Variants in DMRT1 observed in about 807,000 individuals in gnomAD.
The protein encoded by DMRT1 is doublesex- and mab-3-related transcription factor 1.
DMRT1 carries 7 observed loss-of-function variants against 32.3 expected under a neutral mutation model. The observed-to-expected ratio is 0.22, with a 90% CI of 0.12 to 0.41. The LOEUF (loss-of-function observed/expected upper bound fraction) is 0.41, where lower values mean the gene tolerates loss of function less well. DMRT1 is among the 10% of genes least tolerant of loss of function. The pLI, the probability that DMRT1 is intolerant of heterozygous loss-of-function variation, is 1.00. For synonymous variants in DMRT1, 278 were observed against 206.1 expected, an observed-to-expected ratio of 1.35 and a Z score of -2.99; for missense variants, 625 against 500.5, an observed-to-expected ratio of 1.25 and a Z score of -2.37.
chr9:957,942 G>C (rs767061449), intron 4 of DMRT1, among the ~76,000 whole-genome samples: 3 of 152,202 alleles, frequency 2.0e-5, no homozygotes, highest in Non-Finnish European at 4.4e-5. Flanking sequence ...CCCGCAGGCG[G>C]AGGTTGCCCC....
intron 4 of DMRT1, among the ~76,000 whole-genome samples, chr9:921,752 C>T (rs10739184): frequency 1.3e-5 from 2 of 152,140 alleles, no homozygotes; most frequent in South Asian, 2.1e-4. Flanking sequence ...TTGGTGCCAC[C>T]CACCTGTAGT....
chr9:955,736 G>A (rs1185304387), intron 4 of DMRT1, among the ~76,000 whole-genome samples: 5 of 152,178 alleles, frequency 3.3e-5, no homozygotes, highest in African/African-American at 4.8e-5. Context: ...TAAATCCTGC[G>A]TTTCACACCC....
chr9:934,497 C>T (rs528908784), intron 4 of DMRT1, among the ~76,000 whole-genome samples: 36 of 152,170 alleles, frequency 2.4e-4, no homozygotes, highest in African/African-American at 8.7e-4. Context: ...CACCAGCGCT[C>T]TCCAGCTTGG....
rs144068646 is a variant in DMRT1 at position 874,788 on chromosome 9, A to C, written c.539-19124A>C. 5.6e-3 allele frequency among the ~76,000 whole-genome samples: 836 copies of C among 149,488 alleles called. 6 individuals carry two copies. Among genetic ancestry groups the C allele is most frequent in the African/African-American group, 0.019 (787 of 40,568 alleles). On this transcript the variant is annotated intron_variant, in intron 2 of 4. Coordinates refer to ENST00000382276, the MANE Select transcript of DMRT1 (RefSeq NM_021951.3). The stretch of plus-strand genomic sequence containing the variant: ...CCCTGTATTAAAAACAATAACAACA[A>C]CAACAAGTTAATCTTTTTTTTTTTT...
chr9:905,207 C>G (rs989302131), intron 3 of DMRT1, among the ~76,000 whole-genome samples: 5 of 152,206 alleles, frequency 3.3e-5, no homozygotes, highest in African/African-American at 1.2e-4. Flanking sequence ...GCCCTCAGCA[C>G]CCCCTCCTTG....
chr9:848,617 G>A (rs1350196094), intron 2 of DMRT1, among the ~76,000 whole-genome samples: 1 of 141,268 alleles, frequency 7.1e-6, no homozygotes, highest in East Asian at 2.1e-4. Context: ...GCAGTGGTGT[G>A]ATCTTGGCTC....
intron 3 of DMRT1, among the ~76,000 whole-genome samples, chr9:900,230 GT>G (rs1360340995): frequency 6.6e-6 from 1 of 152,182 alleles, no homozygotes; most frequent in Non-Finnish European, 1.5e-5. Context: ...GTGCCCCCTT[GT>G]GAGTGTTCCT....
At chr9:944,845 G>C (rs148913565) in intron 4 of DMRT1, among the ~76,000 whole-genome samples, 1 of 151,966 alleles carries the variant, frequency 6.6e-6, no homozygotes, top group Admixed American at 6.6e-5. Context: ...AGGCACTATC[G>C]TGTATTTTAG....
chr9:911,470 ATTTTTTTTTTTT>A (rs201141931), intron 3 of DMRT1, among the ~76,000 whole-genome samples: 73 of 66,950 alleles, frequency 1.1e-3, no homozygotes, highest in South Asian at 3.6e-3. Flanking sequence ...GGTTAATTGC[ATTTTTTTTTTTT>A]TTTTTTTTTT....
intron 3 of DMRT1, among the ~76,000 whole-genome samples, chr9:914,347 G>A (rs1307120212): frequency 1.3e-5 from 2 of 151,996 alleles, no homozygotes; most frequent in African/African-American, 2.4e-5. Context: ...GGCCGAGGCG[G>A]GCAGATCACG....
chr9:913,323 T>A lies in DMRT1; in HGVS notation c.823-3440T>A, dbSNP rs147870990. Among the ~76,000 whole-genome samples, 8 of 152,298 alleles carry A rather than the reference T, an allele frequency of 5.3e-5. No individual in the cohort carries two copies. The Middle Eastern group carries it at 0.01, about 194-fold the overall frequency. On this transcript the variant is annotated intron_variant, in intron 3 of 4. Transcript: ENST00000382276. ...TCCATTATTTATATTACGGCTTATGTCGGCACCTTGCTTCTAATTCAGTGT... is the reference window on the plus strand; with the variant it reads ...TCCATTATTTATATTACGGCTTATGACGGCACCTTGCTTCTAATTCAGTGT...
chr9:861,907 C>T (rs868401812), intron 2 of DMRT1, among the ~76,000 whole-genome samples: 8 of 147,524 alleles, frequency 5.4e-5, no homozygotes, highest in South Asian at 2.2e-4. Flanking sequence ...CCAGATGGGG[C>T]GGCGGGGCAG....
At chr9:954,789 G>C (rs573778117) in intron 4 of DMRT1, among the ~76,000 whole-genome samples, 10 of 151,644 alleles carry the variant, frequency 6.6e-5, no homozygotes, top group Non-Finnish European at 1.0e-4. Context: ...TTACAGGTGC[G>C]TGCCACCACG....
In DMRT1 at chr9:896,327, C is replaced by T. The variant is rs568789430; in HGVS notation, c.822+2132C>T. On this transcript the variant is annotated intron_variant, in intron 3 of 4. Coordinates refer to ENST00000382276, the MANE Select transcript of DMRT1 (RefSeq NM_021951.3). ...TTCCTGAGACAGAGTCTCACTCTGT[C>T]GCCCAGGCTGGTGCGATCTTGGCTC... 2.9e-4 allele frequency among the ~76,000 whole-genome samples: 39 copies of T among 134,160 alleles called. No homozygotes were observed. The South Asian group carries it at 8.7e-3, about 30-fold the overall frequency. The allele number at this position is 134,160 out of a possible 152,430, so 88.0% of individuals were successfully genotyped here. A position where few individuals can be genotyped will look rare whatever the true frequency, so the allele number is the denominator to read the frequency against.
At chr9:858,461 C>G (rs1175090985) in intron 2 of DMRT1, among the ~76,000 whole-genome samples, 1 of 152,162 alleles carries the variant, frequency 6.6e-6, no homozygotes, top group African/African-American at 2.4e-5. Flanking sequence ...CTGTTGATCA[C>G]CCCTCAGGTA....
At position 891,681 on chromosome 9, in the gene DMRT1, A is replaced by AT. The variant is rs111596773; in HGVS notation, c.539-2216dup. 8.7e-3 allele frequency among the ~76,000 whole-genome samples: 1,219 copies of AT among 140,910 alleles called. 8 individuals are homozygous for AT. Among genetic ancestry groups the AT allele is most frequent in the African/African-American group, 0.019 (744 of 38,848 alleles). The allele number at this position is 140,910 out of a possible 152,430, so 92.4% of individuals were successfully genotyped here. ...AAGCATACGCCACCACGCCTGGCTA[A>AT]TTTTTTTTTTTTTTTGGTATTTTTA... On this transcript the variant is annotated intron_variant, in intron 2 of 4. Transcript: ENST00000382276.
chr9:916,697 T>G, intron 3 of DMRT1, 66 bp from the exon 4 acceptor site: 1 of 1,562,428 alleles, frequency 6.4e-7, no homozygotes, highest in Non-Finnish European at 8.8e-7. Flanking sequence ...AAGAACTAGA[T>G]AATTATTGTA....
chr9:968,343 C>T lies in DMRT1; in HGVS notation c.*204C>T. ...GACTACCATCTGCATGGTTTAAGTG[C>T]TTTACTCACGGAGTTTAAATAATAG... On this transcript the variant is annotated 3_prime_UTR_variant, in exon 5 of 5. Transcript: ENST00000382276. The T allele has an allele frequency of 1.7e-6, 1 of 581,722 alleles. No individual in the cohort carries two copies. Among genetic ancestry groups the T allele is most frequent in the South Asian group, 2.0e-5 (1 of 49,318 alleles). The allele number at this position is 581,722 out of a possible 1,614,324, so 36.0% of individuals were successfully genotyped here.
chr9:894,588 T>G, intron 3 of DMRT1: 1 of 306,186 alleles, frequency 3.3e-6, no homozygotes, highest in Non-Finnish European at 6.3e-6. Flanking sequence ...TTGTCCCCAC[T>G]TTCGTTGGGC....
Sources: allele counts gnomAD v4.1 joint callset (sites outside exome capture counted in the v4.1 genomes callset), GRCh38; gene constraint gnomAD v4.1.1; transcripts MANE v1.5; gene names NCBI Gene and HGNC (gene_info 2026-07-23, HGNC 2026-07-21).